ANXA6: variants seen among roughly 807,000 people sequenced by gnomAD.
ANXA6 encodes the protein annexin A6.
In ANXA6, 71 loss-of-function variants were observed where a neutral mutation model predicts 95.4. The ratio of observed to expected loss-of-function variants is 0.74; its 90% CI spans 0.61 to 0.91. The LOEUF is 0.91. ANXA6 is among the 40% of genes least tolerant of loss of function. The pLI is 0.00. For missense variants in ANXA6, 830 were observed against 876.4 expected, an observed-to-expected ratio of 0.95 and a Z score of 0.67; for synonymous variants, 289 against 315.9, an observed-to-expected ratio of 0.91 and a Z score of 0.90.
intron 20 of ANXA6, among the ~76,000 whole-genome samples, chr5:151,114,613 TAAAAAAAAAAAAA>T (rs61407672): frequency 6.0e-4 from 42 of 70,320 alleles, no homozygotes; most frequent in Admixed American, 1.6e-3. Flanking sequence ...GACTCCGTCT[TAAAAAAAAAAAAA>T]AAAAAAAAAA....
chr5:151,115,700 C>T (rs1258560365), intron 20 of ANXA6, among the ~76,000 whole-genome samples: 1 of 152,228 alleles, frequency 6.6e-6, no homozygotes, highest in East Asian at 1.9e-4. Context: ...CAGCAAGCCA[C>T]CCTAGTGTCT....
chr5:151,131,580 TG>T (rs1291866158), intron 10 of ANXA6, among the ~76,000 whole-genome samples: 1 of 152,012 alleles, frequency 6.6e-6, no homozygotes, highest in Non-Finnish European at 1.5e-5. Context: ...TGAGCTGGGG[TG>T]GGGGTAGGGT....
In ANXA6 at chr5:151,117,113, G is replaced by A; in HGVS notation, c.1572+14C>T. The A allele has an allele frequency of 6.3e-7, 1 of 1,582,592 alleles. No homozygotes were observed. Among genetic ancestry groups the A allele is most frequent in the Non-Finnish European group, 8.6e-7 (1 of 1,160,792 alleles). ...CACCCGGCAGAGGTGACTGGGGTGG[G>A]CTGGGGGTCTTACCTGGGCATCTTC... On this transcript the variant is annotated intron_variant, in intron 20 of 25. Coordinates refer to ENST00000354546, the MANE Select transcript of ANXA6 (RefSeq NM_001155.5).
rs1350672396 is a variant in ANXA6, at chr5:151,126,557, CA to C, written c.978-78del. On this transcript the variant is annotated intron_variant, in intron 13 of 25. Coordinates refer to ENST00000354546, the MANE Select transcript of ANXA6 (RefSeq NM_001155.5). ...ACACTCACACCAACACACACACACACACACACACACACACCCCAACACATAC... is the reference window on the plus strand; with the variant it reads ...ACACTCACACCAACACACACACACACCACACACACACACCCCAACACATAC... The C allele has an allele frequency of 1.1e-3, 1,083 of 966,502 alleles. 21 individuals are homozygous for C. The East Asian group carries it at 0.019, about 17-fold the overall frequency. The allele number at this position is 966,502 out of a possible 1,614,324, so 59.9% of individuals were successfully genotyped here. A position where few individuals can be genotyped will look rare whatever the true frequency, so the allele number is the denominator to read the frequency against.
At chr5:151,119,840 T>C (rs184924715) in intron 17 of ANXA6, among the ~76,000 whole-genome samples, 7 of 152,314 alleles carry the variant, frequency 4.6e-5, no homozygotes, top group African/African-American at 1.7e-4. Flanking sequence ...CATGTATTAT[T>C]TTGTTAGAAG....
chr5:151,110,751 G>A, intron 20 of ANXA6, 107 bp from the exon 21 acceptor site: 1 of 1,259,684 alleles, frequency 7.9e-7, no homozygotes. Context: ...GGGCCTGGCT[G>A]GGAGTGGGAG....
In ANXA6 at chr5:151,117,108, G is replaced by C. The variant is rs893430780; in HGVS notation, c.1572+19C>G. The stretch of plus-strand genomic sequence containing the variant: ...AGGGACACCCGGCAGAGGTGACTGG[G>C]GTGGGCTGGGGGTCTTACCTGGGCA... On this transcript the variant is annotated intron_variant, in intron 20 of 25. Transcript: ENST00000354546. The C allele has an allele frequency of 6.4e-7, 1 of 1,573,768 alleles. No homozygotes were observed. The highest frequency in any genetic ancestry group is 2.3e-5 in the East Asian group (1 of 42,684).
chr5:151,129,579 T>C, intron 11 of ANXA6, 50 bp from the exon 12 acceptor site: 1 of 1,543,094 alleles, frequency 6.5e-7, no homozygotes, highest in Non-Finnish European at 8.8e-7. Flanking sequence ...GAGGCTAGAG[T>C]GCTGATAGCT....
chr5:151,108,809 G>A (rs1016397168), intron 22 of ANXA6, among the ~76,000 whole-genome samples: 5 of 152,184 alleles, frequency 3.3e-5, no homozygotes, highest in African/African-American at 4.8e-5. Context: ...TTAGAACCTC[G>A]GCCAAGTTCT....
At chr5:151,154,345 C>G (rs1766182337) in intron 1 of ANXA6, among the ~76,000 whole-genome samples, 1 of 148,240 alleles carries the variant, frequency 6.7e-6, no homozygotes, top group South Asian at 2.1e-4. Flanking sequence ...ATCCCATACA[C>G]AACCCATAAC....
chr5:151,107,539 C>A (rs1764729455), intron 23 of ANXA6, among the ~76,000 whole-genome samples: 1 of 152,222 alleles, frequency 6.6e-6, no homozygotes, highest in African/African-American at 2.4e-5. Context: ...CACACCTTTC[C>A]CCCACATTTT....
At chr5:151,119,254 G>T (rs1220548203) in intron 18 of ANXA6, 46 bp downstream of exon 18, 7 of 1,518,388 alleles carry the variant, frequency 4.6e-6, no homozygotes, top group Non-Finnish European at 6.4e-6. Context: ...AAGTTGGGGG[G>T]CCTGGCTGTT....
intron 20 of ANXA6, among the ~76,000 whole-genome samples, chr5:151,114,323 A>C (rs971905185): frequency 7.9e-5 from 12 of 152,134 alleles, no homozygotes; most frequent in Non-Finnish European, 1.3e-4. Flanking sequence ...ATATTTTTAA[A>C]AGCCTGGGCC....
Position 151,139,412 on chromosome 5 carries a change from A to C in ANXA6, c.145T>G (p.Ser49Ala). ...TCCTGCCTCTGCCTGTTGCTCCGTG[A>C]GGTGATTATGTCCAGTATGGCCTCC... Reference protein sequence around the residue: ...DKEAILDIITSRSNRQRQEVC... With the variant: ...DKEAILDIITARSNRQRQEVC... The change falls in exon 4 of 26, where the codon TCA (serine) becomes GCA (alanine). Residue 49 changes from serine (S) to alanine (A), a missense_variant. Transcript: ENST00000354546. 1 of 1,613,592 alleles carries C rather than the reference A, an allele frequency of 6.2e-7. No individual in the cohort carries two copies. Among genetic ancestry groups the C allele is most frequent in the Non-Finnish European group, 8.5e-7 (1 of 1,179,702 alleles).
intron 17 of ANXA6, 91 bp downstream of exon 17, chr5:151,122,056 G>T: frequency 1.4e-6 from 1 of 733,890 alleles, no homozygotes; most frequent in South Asian, 2.2e-5. Flanking sequence ...GTTCTACCAA[G>T]AAGTTACAGC....
Position 151,101,342 on chromosome 5 carries a change from ACCCCT to A in ANXA6, c.*101_*105del. 1 of 146,856 alleles carries A rather than the reference ACCCCT, an allele frequency of 6.8e-6. No homozygotes were observed. Among genetic ancestry groups the A allele is most frequent in the Non-Finnish European group, 1.4e-5 (1 of 69,368 alleles). 9.1% of individuals were successfully genotyped at this position (146,856 alleles called of 1,614,324 possible). On this transcript the variant is annotated 3_prime_UTR_variant, in exon 26 of 26. Coordinates refer to ENST00000354546, the MANE Select transcript of ANXA6 (RefSeq NM_001155.5). Reference sequence around the variant, plus strand: ...AGAGCCCAACCCAACCCCTCCCCCCACCCCTGCCCCTTCCTTAGTCTCTGGAGCTG... The same window carrying A: ...AGAGCCCAACCCAACCCCTCCCCCCAGCCCCTTCCTTAGTCTCTGGAGCTG...
chr5:151,139,127 C>G, intron 4 of ANXA6: 1 of 588,100 alleles, frequency 1.7e-6, no homozygotes, highest in Non-Finnish European at 3.0e-6. Context: ...ATCTTATTCA[C>G]TAGTGCAGCC....
At chr5:151,123,513 T>C (rs929969526) in intron 15 of ANXA6, among the ~76,000 whole-genome samples, 3 of 152,188 alleles carry the variant, frequency 2.0e-5, no homozygotes, top group African/African-American at 7.2e-5. Flanking sequence ...CATTAGAATA[T>C]CACTTCCTGC....
Position 151,122,200 on chromosome 5 carries a change from G to A in ANXA6, c.1294C>T (p.Leu432Phe). The change falls in exon 17 of 26, where the codon CTC (leucine) becomes TTC (phenylalanine). Residue 432 changes from leucine to phenylalanine, a missense_variant. Physicochemically the swap from Leu to Phe is conservative, Grantham distance 22 (BLOSUM62 0). Transcript: ENST00000354546. ...TCGTAATGGGCCGGTGGCATCATGA[G>A]CCCCAGAATCAGCCTTGCCAGGTCT... ...SGDLARLILGLMMPPAHYDAK... is the reference protein window; with the variant it reads ...SGDLARLILGFMMPPAHYDAK... 6.2e-7 allele frequency: 1 copy of A among 1,602,830 alleles called. No homozygotes were observed. Among genetic ancestry groups the A allele is most frequent in the Non-Finnish European group, 8.5e-7 (1 of 1,176,056 alleles).
Sources: gnomAD v4.1 joint callset for allele counts (sites outside exome capture counted in the v4.1 genomes callset) on GRCh38, gnomAD v4.1.1 for gene constraint, MANE v1.5 for transcripts, NCBI Gene and HGNC (gene_info 2026-07-23, HGNC 2026-07-21) for gene names.